Variants in NLK observed in about 807,000 individuals in gnomAD.
NLK encodes nemo like kinase.
Under a neutral mutation model 59.0 loss-of-function variants are expected in NLK, and 11 were observed. The observed-to-expected ratio is 0.19, with a 90% CI of 0.12 to 0.31. The LOEUF is 0.31. NLK is among the 10% of genes least tolerant of loss of function. NLK has a pLI of 1.00. For synonymous variants in NLK, 235 were observed against 235.9 expected, an observed-to-expected ratio of 1.00 and a Z score of 0.03; for missense variants, 410 against 661.1, an observed-to-expected ratio of 0.62 and a Z score of 4.16.
chr17:28,136,224 A>G (rs1906739665), intron 3 of NLK, among the ~76,000 whole-genome samples: 1 of 152,124 alleles, frequency 6.6e-6, no homozygotes, highest in African/African-American at 2.4e-5. Flanking sequence ...TTGACACATT[A>G]CTCTCACAGT....
intron 1 of NLK, among the ~76,000 whole-genome samples, chr17:28,103,097 AAAAT>A (rs139640654): frequency 6.6e-6 from 1 of 152,174 alleles, no homozygotes; most frequent in African/African-American, 2.4e-5. Flanking sequence ...GAAAAATGGC[AAAAT>A]AAATAAATAA....
intron 3 of NLK, among the ~76,000 whole-genome samples, chr17:28,139,657 G>A (rs1906903868): frequency 6.6e-6 from 1 of 152,180 alleles, no homozygotes; most frequent in East Asian, 1.9e-4. Flanking sequence ...TAATATGTGA[G>A]ACCCTATCCT....
chr17:28,142,968 C>A (rs1907071764), intron 3 of NLK, among the ~76,000 whole-genome samples: 1 of 151,976 alleles, frequency 6.6e-6, no homozygotes, highest in Non-Finnish European at 1.5e-5. Context: ...GTTTATTAAA[C>A]CAAATTTACT....
At chr17:28,164,526 C>A (rs1215033358) in intron 5 of NLK, among the ~76,000 whole-genome samples, 1 of 152,070 alleles carries the variant, frequency 6.6e-6, no homozygotes, top group African/African-American at 2.4e-5. Context: ...AATTTCAAGT[C>A]ATCAGTTTCA....
chr17:28,067,088 AT>A (rs1216768932), intron 1 of NLK, among the ~76,000 whole-genome samples: 1 of 152,190 alleles, frequency 6.6e-6, no homozygotes, highest in Non-Finnish European at 1.5e-5. Flanking sequence ...CAATACAAAC[AT>A]TTTAATTTTG....
intron 1 of NLK, among the ~76,000 whole-genome samples, chr17:28,114,523 T>C (rs1237538955): frequency 1.3e-5 from 2 of 152,242 alleles, no homozygotes; most frequent in Non-Finnish European, 2.9e-5. Context: ...TTTTGCCCTC[T>C]TAATGTAGAT....
chr17:28,180,841 T>C (rs1908876535), intron 7 of NLK, among the ~76,000 whole-genome samples: 1 of 152,238 alleles, frequency 6.6e-6, no homozygotes, highest in East Asian at 1.9e-4. Flanking sequence ...AAAATTCTTG[T>C]GTAAAACACA....
intron 1 of NLK, among the ~76,000 whole-genome samples, chr17:28,089,792 T>C (rs1025196100): frequency 1.3e-5 from 2 of 152,222 alleles, no homozygotes; most frequent in Admixed American, 6.5e-5. Flanking sequence ...GTGGTTATAA[T>C]TTGCATTTTG....
chr17:28,089,874 T>A (rs1467426970), intron 1 of NLK, among the ~76,000 whole-genome samples: 1 of 152,118 alleles, frequency 6.6e-6, no homozygotes, highest in Non-Finnish European at 1.5e-5. Context: ...TCTCTACTTT[T>A]AAAAAAAATT....
At chr17:28,185,102 TATC>T (rs1387077081) in intron 7 of NLK, 74 bp from the exon 8 acceptor site, 1 of 757,646 alleles carries the variant, frequency 1.3e-6, no homozygotes, top group East Asian at 2.9e-5. Flanking sequence ...GTACTTACCT[TATC>T]ATAAATTGGC....
chr17:28,116,653 A>T (rs1905788668), intron 1 of NLK, among the ~76,000 whole-genome samples: 1 of 152,220 alleles, frequency 6.6e-6, no homozygotes, highest in Admixed American at 6.5e-5. Flanking sequence ...CTGCAAAGCC[A>T]CACTGTCACA....
intron 5 of NLK, among the ~76,000 whole-genome samples, chr17:28,167,686 C>CAAA (rs371790122): frequency 1.1e-5 from 1 of 93,912 alleles, no homozygotes. Flanking sequence ...CTCATCCCTA[C>CAAA]AAAAAAAAAA....
intron 6 of NLK, among the ~76,000 whole-genome samples, chr17:28,169,721 CTTTT>C (rs1193124964): frequency 9.9e-5 from 11 of 111,578 alleles, no homozygotes; most frequent in Admixed American, 1.8e-4. Context: ...GCTTCTTCTT[CTTTT>C]TTTTTTTTTT....
intron 3 of NLK, among the ~76,000 whole-genome samples, chr17:28,136,285 G>A (rs1906742178): frequency 6.6e-6 from 1 of 152,130 alleles, no homozygotes; most frequent in South Asian, 2.1e-4. Context: ...CTAAACTTCA[G>A]TAGTCTTCTG....
At chr17:28,094,624 A>G (rs941812363) in intron 1 of NLK, among the ~76,000 whole-genome samples, 1 of 152,218 alleles carries the variant, frequency 6.6e-6, no homozygotes, top group Non-Finnish European at 1.5e-5. Context: ...TGTTGAGGCA[A>G]ATTACATTAT....
At chr17:28,123,989 G>A (rs557155392) in intron 2 of NLK, among the ~76,000 whole-genome samples, 27 of 152,196 alleles carry the variant, frequency 1.8e-4, no homozygotes, top group African/African-American at 3.1e-4. Context: ...CAAAAAACTC[G>A]AGAACTTTGG....
chr17:28,189,968 C>T (rs1174605523), intron 8 of NLK, among the ~76,000 whole-genome samples: 1 of 152,104 alleles, frequency 6.6e-6, no homozygotes, highest in Non-Finnish European at 1.5e-5. Context: ...TAGCAAAAAT[C>T]AGTGATAAAA....
intron 7 of NLK, among the ~76,000 whole-genome samples, chr17:28,184,647 G>A (rs1909044873): frequency 6.6e-6 from 1 of 152,130 alleles, no homozygotes; most frequent in Admixed American, 6.5e-5. Context: ...GGGTAATCAT[G>A]CAATGTAAAA....
intron 1 of NLK, among the ~76,000 whole-genome samples, chr17:28,114,376 T>C (rs1597689307): frequency 6.6e-6 from 1 of 152,322 alleles, no homozygotes; most frequent in Middle Eastern, 3.4e-3. Context: ...AGAATTTCCA[T>C]TGCACTTCAT....
Sources: allele counts gnomAD v4.1 joint callset (sites outside exome capture counted in the v4.1 genomes callset), GRCh38; gene constraint gnomAD v4.1.1; transcripts MANE v1.5; gene names NCBI Gene and HGNC (gene_info 2026-07-23, HGNC 2026-07-21).